RALGAPA1: variants seen among roughly 807,000 people sequenced by gnomAD.
RALGAPA1 encodes the protein ral GTPase-activating protein subunit alpha-1.
RALGAPA1 carries 52 observed loss-of-function variants against 269.6 expected under a neutral mutation model. That is an observed-to-expected ratio of 0.19 (90% CI 0.15 to 0.24). RALGAPA1 has a LOEUF of 0.24. Ranked by LOEUF, RALGAPA1 falls within the 10% of genes least tolerant of loss-of-function variation. The probability of loss-of-function intolerance (pLI) is 1.00; values close to 1 mark genes in which losing one functional copy is unlikely to be tolerated. For synonymous variants in RALGAPA1, 817 were observed against 1,008.3 expected, an observed-to-expected ratio of 0.81 and a Z score of 3.60; for missense variants, 1,917 against 3,013.9, an observed-to-expected ratio of 0.64 and a Z score of 8.52.
chr14:35,634,025 CAG>C (rs1483144521), intron 33 of RALGAPA1, among the ~76,000 whole-genome samples: 48 of 152,090 alleles, frequency 3.2e-4, no homozygotes, highest in African/African-American at 1.1e-3. Context: ...AATAAGAAAA[CAG>C]ATATTTAGCA....
intron 39 of RALGAPA1, among the ~76,000 whole-genome samples, chr14:35,556,000 T>G (rs2055558928): frequency 6.6e-6 from 1 of 152,216 alleles, no homozygotes; most frequent in African/African-American, 2.4e-5. Context: ...TACTATAGTT[T>G]ACTATACATT....
chr14:35,777,724 G>A (rs1187104930), intron 1 of RALGAPA1, among the ~76,000 whole-genome samples: 1 of 151,888 alleles, frequency 6.6e-6, no homozygotes, highest in East Asian at 1.9e-4. Context: ...TATCACACCT[G>A]GCTAATTTTT....
At chr14:35,621,636 G>C (rs1173894141) in intron 35 of RALGAPA1, among the ~76,000 whole-genome samples, 1 of 151,986 alleles carries the variant, frequency 6.6e-6, no homozygotes, top group Admixed American at 6.5e-5. Context: ...CTAATACCCA[G>C]AATCTACAAT....
chr14:35,793,486 G>A (rs929714271), intron 1 of RALGAPA1, among the ~76,000 whole-genome samples: 8 of 151,770 alleles, frequency 5.3e-5, no homozygotes, highest in African/African-American at 1.9e-4. Context: ...CACCCACCTC[G>A]GCCTCCCAAA....
chr14:35,542,058 A>AG, intron 41 of RALGAPA1: 1 of 1,178,390 alleles, frequency 8.5e-7, no homozygotes, highest in Non-Finnish European at 1.1e-6. Flanking sequence ...ATAGGAAAAA[A>AG]GAAAAGAAGA....
chr14:35,771,739 A>G (rs1220087671), intron 3 of RALGAPA1, among the ~76,000 whole-genome samples: 3 of 151,976 alleles, frequency 2.0e-5, no homozygotes, highest in Non-Finnish European at 4.4e-5. Context: ...AAGCATGATC[A>G]TAGTGCATCA....
At position 35,800,303 on chromosome 14, in the gene RALGAPA1, C is replaced by A. The variant is rs555169001; in HGVS notation, c.106+8427G>T. ...GCAGAATATATATTCCTTTCAAGTG[C>A]ATACAAGAAATTTATCAAGTTAAAA... is the stretch of plus-strand genomic sequence containing the variant. On this transcript the variant is annotated intron_variant, in intron 1 of 41. Coordinates refer to ENST00000680220, the MANE Select transcript of RALGAPA1 (RefSeq NM_001346249.2). Among the ~76,000 whole-genome samples the A allele has an allele frequency of 4.6e-5, 7 of 152,304 alleles. No homozygotes were observed. In the East Asian group the frequency reaches 1.4e-3, roughly 29 times the overall value.
intron 16 of RALGAPA1, among the ~76,000 whole-genome samples, chr14:35,720,905 C>T (rs1337792559): frequency 2.0e-5 from 3 of 152,176 alleles, no homozygotes; most frequent in South Asian, 2.1e-4. Context: ...GGCAACAGAG[C>T]GAGATCTCTC....
chr14:35,715,642 T>G, intron 16 of RALGAPA1: 2 of 801,362 alleles, frequency 2.5e-6, no homozygotes, highest in Non-Finnish European at 3.0e-6. Context: ...GAGGCCTAAC[T>G]GAGAGTGAAT....
chr14:35,684,216 C>T (rs751627696), intron 20 of RALGAPA1, among the ~76,000 whole-genome samples: 9 of 152,208 alleles, frequency 5.9e-5, no homozygotes, highest in Non-Finnish European at 1.3e-4. Context: ...CATATCCCAG[C>T]TCTTCACAAA....
chr14:35,690,170 G>A (rs990468519), intron 17 of RALGAPA1, among the ~76,000 whole-genome samples, 167 bp from the exon 18 acceptor site: 2 of 151,634 alleles, frequency 1.3e-5, no homozygotes, highest in African/African-American at 4.8e-5. Context: ...AAAATGATGG[G>A]CACAAGCCAA....
chr14:35,757,125 T>TA (rs1567167454), intron 6 of RALGAPA1, among the ~76,000 whole-genome samples: 3 of 129,210 alleles, frequency 2.3e-5, no homozygotes, highest in African/African-American at 6.5e-5. Flanking sequence ...TATTATTTTT[T>TA]TTTTTTTTTT....
intron 37 of RALGAPA1, among the ~76,000 whole-genome samples, chr14:35,579,040 G>C (rs1161782924): frequency 6.6e-6 from 1 of 152,140 alleles, no homozygotes; most frequent in Admixed American, 6.6e-5. Flanking sequence ...GAGTAGAAAG[G>C]GGCTTATTTA....
chr14:35,671,541 A>C, intron 25 of RALGAPA1, 24 bp from the exon 26 acceptor site: 1 of 1,321,084 alleles, frequency 7.6e-7, no homozygotes, highest in South Asian at 1.2e-5. Flanking sequence ...AAGAAGGAAA[A>C]AAGAATATCA....
chr14:35,717,711 C>G (rs1410164431), intron 16 of RALGAPA1, among the ~76,000 whole-genome samples: 1 of 151,974 alleles, frequency 6.6e-6, no homozygotes, highest in Non-Finnish European at 1.5e-5. Flanking sequence ...GCGTGTACTA[C>G]AACGGTCAGC....
chr14:35,595,808 C>T lies in RALGAPA1; in HGVS notation c.7054-19G>A. On this transcript the variant is annotated intron_variant, in intron 36 of 41. Transcript: ENST00000680220. ...GATTTACCTAGAAGTAATGAAGAGT[C>T]ACATAAATTAATTAAACAAAACCCA... 6.3e-7 allele frequency: 1 copy of T among 1,597,846 alleles called. No individual in the cohort carries two copies. The highest frequency in any genetic ancestry group is 8.5e-7 in the Non-Finnish European group (1 of 1,171,776).
intron 14 of RALGAPA1, 61 bp from the exon 15 acceptor site, chr14:35,723,325 G>T: frequency 1.1e-6 from 1 of 893,566 alleles, no homozygotes; most frequent in Admixed American, 2.5e-5. Flanking sequence ...TTCAAAATCA[G>T]ACATTCAATT....
intron 22 of RALGAPA1, 130 bp from the exon 23 acceptor site, chr14:35,674,839 T>C (rs530378205): frequency 1.9e-6 from 1 of 534,302 alleles, no homozygotes; most frequent in African/African-American, 1.9e-5. Flanking sequence ...ACATACATTA[T>C]TTTTTCCCGA....
In RALGAPA1 at chr14:35,657,665, T is replaced by C. The variant is rs543324441; in HGVS notation, c.5387+1473A>G. Among the ~76,000 whole-genome samples, 23 of 150,150 alleles carry C rather than the reference T, an allele frequency of 1.5e-4. No individual in the cohort carries two copies. In the South Asian group the frequency reaches 4.8e-3, roughly 31 times the overall value. On this transcript the variant is annotated intron_variant, in intron 28 of 41. Transcript: ENST00000680220. ...GTTTTAGGCTTCCACATTCTTCCAC[T>C]TGAGAAGCAACATATATATATATAT... is the stretch of plus-strand genomic sequence containing the variant.
Sources: allele counts gnomAD v4.1 joint callset (sites outside exome capture counted in the v4.1 genomes callset), GRCh38; gene constraint gnomAD v4.1.1; transcripts MANE v1.5; gene names NCBI Gene and HGNC (gene_info 2026-07-23, HGNC 2026-07-21).